Variants in CERK observed in about 807,000 individuals in gnomAD.
The protein encoded by CERK is ceramide kinase, also known as acylsphingosine kinase.
CERK carries 39 observed loss-of-function variants against 63.4 expected under a neutral mutation model. That is an observed-to-expected ratio of 0.61 (90% CI 0.48 to 0.80). The LOEUF (loss-of-function observed/expected upper bound fraction) is 0.80. Ranked by LOEUF, CERK falls within the 30% of genes least tolerant of loss-of-function variation. CERK has a pLI of 0.00. For missense variants in CERK, 670 were observed against 714.1 expected (o/e 0.94, Z 0.70); for synonymous variants, 302 against 280.0 (o/e 1.08, Z -0.78).
chr22:46,708,007 C>A lies in CERK; in HGVS notation c.570-19G>T, dbSNP rs752790393. ...GACGATGCTGCAGGAGGAACACAGC[C>A]GGTCAGGGCTCCTGCAGGTGCGGCC... On this transcript the variant is annotated intron_variant, in intron 5 of 12. Coordinates refer to ENST00000216264, the MANE Select transcript of CERK (RefSeq NM_022766.6). 6.3e-7 allele frequency: 1 copy of A among 1,586,158 alleles called. No individual in the cohort carries two copies. The highest frequency in any genetic ancestry group is 8.6e-7 in the Non-Finnish European group (1 of 1,161,016).
intron 1 of CERK, among the ~76,000 whole-genome samples, chr22:46,734,404 G>A (rs544660961): frequency 3.3e-5 from 5 of 151,744 alleles, no homozygotes; most frequent in African/African-American, 1.2e-4. Flanking sequence ...ACAAAGACGT[G>A]CACATGGCAT....
intron 1 of CERK, among the ~76,000 whole-genome samples, chr22:46,725,002 A>C (rs533004201): frequency 1.6e-4 from 25 of 152,076 alleles, no homozygotes; most frequent in African/African-American, 3.9e-4. Context: ...GCCTGGGCGA[A>C]AGACAGCAAA....
chr22:46,722,214 A>G (rs1225420847), intron 1 of CERK, among the ~76,000 whole-genome samples: 4 of 152,212 alleles, frequency 2.6e-5, no homozygotes, highest in African/African-American at 9.7e-5. Flanking sequence ...TGCAAAAAAA[A>G]TTGCTATAAC....
chr22:46,717,508 AC>A (rs2082872170), intron 3 of CERK, among the ~76,000 whole-genome samples: 1 of 152,234 alleles, frequency 6.6e-6, no homozygotes, highest in Non-Finnish European at 1.5e-5. Flanking sequence ...ACTACTCGCC[AC>A]CACGGTGGAA....
chr22:46,690,723 G>T (rs765006072), intron 11 of CERK, among the ~76,000 whole-genome samples: 3 of 152,092 alleles, frequency 2.0e-5, no homozygotes, highest in Admixed American at 2.0e-4. Flanking sequence ...ACTAGACTCG[G>T]GTCTTCCTCT....
At chr22:46,707,754 GT>G (rs2082820114) in intron 6 of CERK, 88 bp downstream of exon 6, 1 of 1,428,540 alleles carries the variant, frequency 7.0e-7, no homozygotes, top group South Asian at 1.3e-5. Flanking sequence ...GTATAATTGG[GT>G]TATTAAGTGT....
At chr22:46,729,362 A>G (rs2082934657) in intron 1 of CERK, among the ~76,000 whole-genome samples, 1 of 152,156 alleles carries the variant, frequency 6.6e-6, no homozygotes, top group Non-Finnish European at 1.5e-5. Flanking sequence ...AAATAAATAA[A>G]TTAATTAATT....
At chr22:46,723,992 C>G (rs2082905585) in intron 1 of CERK, among the ~76,000 whole-genome samples, 1 of 152,184 alleles carries the variant, frequency 6.6e-6, no homozygotes, top group Non-Finnish European at 1.5e-5. Flanking sequence ...GCCACCGCGC[C>G]TGGCCAGATT....
At chr22:46,726,379 T>C (rs1271019382) in intron 1 of CERK, among the ~76,000 whole-genome samples, 2 of 152,126 alleles carry the variant, frequency 1.3e-5, no homozygotes, top group Non-Finnish European at 2.9e-5. Context: ...ACTGGAGCAG[T>C]GCCAAGTACA....
intron 1 of CERK, among the ~76,000 whole-genome samples, chr22:46,723,161 T>C (rs1440826232): frequency 2.6e-5 from 4 of 152,200 alleles, no homozygotes; most frequent in Admixed American, 6.5e-5. Context: ...CCTGCTCCTC[T>C]GGCAAGAGAA....
At chr22:46,697,386 C>T (rs551736513) in intron 8 of CERK, among the ~76,000 whole-genome samples, 2 of 152,084 alleles carry the variant, frequency 1.3e-5, no homozygotes, top group African/African-American at 2.4e-5. Context: ...CTGCAGCCTC[C>T]ACCTTCTGTG....
At chr22:46,733,356 C>T (rs2082955922) in intron 1 of CERK, among the ~76,000 whole-genome samples, 1 of 151,144 alleles carries the variant, frequency 6.6e-6, no homozygotes, top group South Asian at 2.1e-4. Flanking sequence ...TGCAGTGGTG[C>T]AATCACAGCT....
chr22:46,693,583 T>C, intron 9 of CERK, 80 bp from the exon 10 acceptor site: 1 of 1,179,756 alleles, frequency 8.5e-7, no homozygotes. Flanking sequence ...TAGATGTATT[T>C]ACATTCTTTT....
At chr22:46,723,743 G>A (rs1298154045) in intron 1 of CERK, among the ~76,000 whole-genome samples, 2 of 151,544 alleles carry the variant, frequency 1.3e-5, no homozygotes, top group Non-Finnish European at 2.9e-5. Context: ...AGTCTTGCTC[G>A]TCACCCAGGT....
chr22:46,698,185 C>T (rs898136328), intron 8 of CERK, among the ~76,000 whole-genome samples: 3 of 152,230 alleles, frequency 2.0e-5, no homozygotes, highest in East Asian at 1.9e-4. Flanking sequence ...CTGTTTTCTC[C>T]GCTATAAAGT....
At chr22:46,702,214 AATAT>A (rs202155838) in intron 6 of CERK, among the ~76,000 whole-genome samples, 24 of 109,150 alleles carry the variant, frequency 2.2e-4, no homozygotes, top group African/African-American at 3.2e-4. Context: ...AAGTTAAAAA[AATAT>A]ATATATGTGT....
At chr22:46,724,024 G>A (rs1165069548) in intron 1 of CERK, among the ~76,000 whole-genome samples, 6 of 152,036 alleles carry the variant, frequency 3.9e-5, no homozygotes, top group Non-Finnish European at 8.8e-5. Flanking sequence ...GTGACACTAA[G>A]CTCACTTGCC....
chr22:46,690,999 G>GTGTA (rs1412076483), intron 11 of CERK, among the ~76,000 whole-genome samples: 2 of 147,736 alleles, frequency 1.4e-5, no homozygotes, highest in East Asian at 1.9e-4. Flanking sequence ...ATGTATGTAT[G>GTGTA]TGTATGTATA....
intron 1 of CERK, among the ~76,000 whole-genome samples, chr22:46,732,265 CGT>C (rs2082949213): frequency 6.6e-6 from 1 of 152,086 alleles, no homozygotes; most frequent in Non-Finnish European, 1.5e-5. Flanking sequence ...GAGGAGAACT[CGT>C]GCCTGGAAGT....
Sources: gnomAD v4.1 joint callset for allele counts (sites outside exome capture counted in the v4.1 genomes callset) on GRCh38, gnomAD v4.1.1 for gene constraint, MANE v1.5 for transcripts, NCBI Gene and HGNC (gene_info 2026-07-23, HGNC 2026-07-21) for gene names.